ZNF821: variants seen among roughly 807,000 people sequenced by gnomAD.
ZNF821 encodes the protein zinc finger protein 821.
In ZNF821, 16 loss-of-function variants were observed where a neutral mutation model predicts 44.3. The observed-to-expected ratio is 0.36, with a 90% CI of 0.24 to 0.55. The LOEUF (loss-of-function observed/expected upper bound fraction) is 0.55, where lower values mean the gene tolerates loss of function less well. Ranked by LOEUF, ZNF821 falls within the 20% of genes least tolerant of loss-of-function variation. The pLI, the probability that ZNF821 is intolerant of heterozygous loss-of-function variation, is 0.86. For missense variants in ZNF821, 436 were observed against 547.6 expected (o/e 0.80, Z 2.03); for synonymous variants, 204 against 197.6 (o/e 1.03, Z -0.27).
chr16:71,890,959 G>A (rs1171283067), intron 1 of ZNF821, among the ~76,000 whole-genome samples: 1 of 150,264 alleles, frequency 6.7e-6, no homozygotes, highest in African/African-American at 2.5e-5. Context: ...ATTTTTTAGC[G>A]GAGACGGGGT....
chr16:71,860,246 T>C lies in ZNF821; in HGVS notation c.1011A>G (p.Glu337=), dbSNP rs1309302431. Residue 337 remains glutamate (E), a synonymous_variant, in exon 8 of 8, where the codon GAA becomes GAG. Coordinates refer to ENST00000425432, the MANE Select transcript of ZNF821 (RefSeq NM_001201552.2). This position sits in a 1 kb window ranked among gnomAD's most constrained non-coding sequence, Gnocchi z 7.3. The part of the protein sequence containing the change: ...MRLKRANETP[E]KRQARLIRER... ...CTCGGATGAGCCGGGCCTGCCGCTTTTCCGGGGTTTCATTGGCCCGCTTCA... is the reference window on the plus strand; with the variant it reads ...CTCGGATGAGCCGGGCCTGCCGCTTCTCCGGGGTTTCATTGGCCCGCTTCA... 2 of 1,614,188 alleles carry C rather than the reference T, an allele frequency of 1.2e-6. No individual in the cohort carries two copies. Among genetic ancestry groups the C allele is most frequent in the East Asian group, 2.2e-5 (1 of 44,878 alleles).
intron 1 of ZNF821, among the ~76,000 whole-genome samples, chr16:71,893,454 G>T (rs894887145): frequency 6.6e-6 from 1 of 150,594 alleles, no homozygotes; most frequent in Non-Finnish European, 1.5e-5. Context: ...GAGCCACCAC[G>T]CCTGGCCCAC....
At chr16:71,861,256 GAAT>G (rs1397734294) in intron 7 of ZNF821, among the ~76,000 whole-genome samples, 1 of 152,192 alleles carries the variant, frequency 6.6e-6, no homozygotes, top group Non-Finnish European at 1.5e-5. Context: ...ACTCAAGCCA[GAAT>G]AATGATTTTG....
chr16:71,870,902 A>G (rs1259025316), intron 3 of ZNF821, among the ~76,000 whole-genome samples: 1 of 152,214 alleles, frequency 6.6e-6, no homozygotes, highest in East Asian at 1.9e-4. Flanking sequence ...ATCAAGGGGA[A>G]GACCTTTCTC....
Position 71,860,564 on chromosome 16 carries a change from A to G in ZNF821, c.693T>C (p.Pro231=), listed in dbSNP as rs2033731957. 4 of 1,614,150 alleles carry G rather than the reference A, an allele frequency of 2.5e-6. No individual in the cohort carries two copies. The highest frequency in any genetic ancestry group is 3.4e-6 in the Non-Finnish European group (4 of 1,180,030). ...TGTTGCACACAAGCAGAATTCCAGC[A>G]GGGTACACTGGAGGACTAAAGGCAA... ...KDIAFSPPVY[P]AGILLVCNNC... Residue 231 remains proline, a synonymous_variant, in exon 8 of 8, where the codon CCT becomes CCC. Coordinates refer to ENST00000425432, the MANE Select transcript of ZNF821 (RefSeq NM_001201552.2). This position sits in a 1 kb window ranked among gnomAD's most constrained non-coding sequence, Gnocchi z 7.3.
intron 1 of ZNF821, chr16:71,883,655 C>A (rs1220590273): frequency 6.6e-6 from 1 of 152,308 alleles, no homozygotes; most frequent in Non-Finnish European, 1.5e-5. Flanking sequence ...GTGCCCGCGG[C>A]CCGCGCAAAA....
chr16:71,886,073 G>T (rs2036843640), upstream of ZNF821, among the ~76,000 whole-genome samples: 1 of 152,086 alleles, frequency 6.6e-6, no homozygotes, highest in African/African-American at 2.4e-5. Flanking sequence ...GAAATTTCTT[G>T]GATGCATTAT....
At chr16:71,861,708 A>C in intron 7 of ZNF821, 68 bp downstream of exon 7, 2 of 1,592,220 alleles carry the variant, frequency 1.3e-6, no homozygotes, top group Non-Finnish European at 1.7e-6. Flanking sequence ...CTTCGCTTTG[A>C]CTTCAGAAAG....
chr16:71,878,113 C>T (rs986059894), intron 3 of ZNF821, among the ~76,000 whole-genome samples: 3 of 121,738 alleles, frequency 2.5e-5, no homozygotes, highest in African/African-American at 6.0e-5. Context: ...AACTATTTGT[C>T]TTTTTTTTTT....
chr16:71,874,668 G>A (rs747779326), intron 3 of ZNF821, among the ~76,000 whole-genome samples: 1 of 152,060 alleles, frequency 6.6e-6, no homozygotes, highest in African/African-American at 2.4e-5. Flanking sequence ...TGGCCAGGCT[G>A]GTCTTGAATT....
At chr16:71,880,918 G>A (rs975101287) in intron 2 of ZNF821, among the ~76,000 whole-genome samples, 2 of 152,204 alleles carry the variant, frequency 1.3e-5, no homozygotes, top group South Asian at 2.1e-4. Context: ...GGATATATAC[G>A]TAAGCCTGAA....
At chr16:71,867,852 C>A (rs1452579552) in intron 4 of ZNF821, 60 bp downstream of exon 4, 2 of 1,523,124 alleles carry the variant, frequency 1.3e-6, no homozygotes, top group Non-Finnish European at 1.8e-6. Context: ...CCAGAGCACA[C>A]ACACTCTGAT....
rs564374553 is a variant in ZNF821 at position 71,860,458 on chromosome 16, A to G, written c.799T>C (p.Leu267=). 27 of 1,614,046 alleles carry G rather than the reference A, an allele frequency of 1.7e-5. No homozygotes were observed. The East Asian group carries it at 5.8e-4, about 35-fold the overall frequency. The change falls in exon 8 of 8, where the codon TTG becomes CTG. Residue 267 remains leucine, a synonymous_variant. Coordinates refer to ENST00000425432, the MANE Select transcript of ZNF821 (RefSeq NM_001201552.2). The surrounding 1 kb of genome is among the most constrained non-coding windows in gnomAD (Gnocchi z 7.3). The part of the protein sequence containing the change: ...KWALRRQNEP[L]EVRLQRLERE... ...TCCAGCCGCTGCAGCCGTACTTCCA[A>G]AGGCTCATTCTGTCGACGTAGAGCC...
chr16:71,868,196 G>A (rs1360749657), intron 3 of ZNF821, among the ~76,000 whole-genome samples, 159 bp from the exon 4 acceptor site: 3 of 152,218 alleles, frequency 2.0e-5, no homozygotes, highest in Non-Finnish European at 4.4e-5. Context: ...AACAGCTTCT[G>A]GGTGCAGCTG....
At chr16:71,891,549 C>T (rs906512999) in intron 1 of ZNF821, 1 of 152,120 alleles carries the variant, frequency 6.6e-6, no homozygotes, top group African/African-American at 2.4e-5. Context: ...TTACAACTCC[C>T]GAGTAGAAAG....
rs1242093604 is a variant in ZNF821 at position 71,883,290 on chromosome 16, G to C, written c.-140-17C>G. The C allele has an allele frequency of 9.0e-6, 4 of 442,062 alleles. No individual in the cohort carries two copies. The highest frequency in any genetic ancestry group is 8.1e-5 in the African/African-American group (4 of 49,584). The allele number at this position is 442,062 out of a possible 1,614,324, so 27.4% of individuals were successfully genotyped here. ...GATCTGTATCTGCCAAAAAGGAGAG[G>C]ACAAGAAAGCTGGTCACTTAGCCGC... On this transcript the variant is annotated splice_polypyrimidine_tract_variant and intron_variant, in intron 1 of 7. Coordinates refer to ENST00000425432, the MANE Select transcript of ZNF821 (RefSeq NM_001201552.2).
upstream of ZNF821, chr16:71,884,874 T>G (rs2036785872): frequency 1.5e-5 from 2 of 132,746 alleles, no homozygotes; most frequent in African/African-American, 8.0e-5. Context: ...TTTTTTTTTT[T>G]TGAGACAGAG....
rs2033684321 is a variant in ZNF821 at position 71,860,278 on chromosome 16, T to C, written c.979A>G (p.Met327Val). The C allele has an allele frequency of 7.4e-6, 12 of 1,613,904 alleles. No individual in the cohort carries two copies. Among genetic ancestry groups the C allele is most frequent in the Non-Finnish European group, 5.9e-6 (7 of 1,180,028 alleles). ...GTTTCATTGGCCCGCTTCAGCCTCA[T>C]GGCCTCCCGATCCCGCTGCAGCCGG... ...ARRLQRDREA[M>V]RLKRANETPE... Residue 327 changes from methionine (M) to valine (V), a missense_variant, in exon 8 of 8, where the codon ATG becomes GTG. Transcript: ENST00000425432. The surrounding 1 kb of genome is among the most constrained non-coding windows in gnomAD (Gnocchi z 7.3).
intron 2 of ZNF821, chr16:71,882,106 C>T (rs1261379271): frequency 6.6e-6 from 1 of 151,724 alleles, no homozygotes; most frequent in Non-Finnish European, 1.5e-5. Context: ...CCCGTCTGTA[C>T]TAAAAATACA....
Sources: allele counts gnomAD v4.1 joint callset (sites outside exome capture counted in the v4.1 genomes callset), GRCh38; gene constraint gnomAD v4.1.1; non-coding constraint Gnocchi (gnomAD v3.1); transcripts MANE v1.5; gene names NCBI Gene and HGNC (gene_info 2026-07-23, HGNC 2026-07-21).